The following HTR3E variants were observed in gnomAD, a reference collection of about 807,000 sequenced individuals.
HTR3E encodes the protein 5-hydroxytryptamine (serotonin) receptor 3, family member E.
Under a neutral mutation model 38.0 loss-of-function variants are expected in HTR3E, and 38 were observed. The ratio of observed to expected loss-of-function variants is 1.00; its 90% confidence interval spans 0.77 to 1.31. HTR3E has a LOEUF of 1.31. Among genes scored for constraint, HTR3E ranks in the 50% most tolerant of loss-of-function variants. The pLI, the probability that HTR3E is intolerant of heterozygous loss-of-function variation, is 0.00. For missense variants in HTR3E, 547 were observed against 585.2 expected, an observed-to-expected ratio of 0.93 and a Z score of 0.67; for synonymous variants, 210 against 232.9, an observed-to-expected ratio of 0.90 and a Z score of 0.89.
chr3:184,105,959 C>A lies in HTR3E; in HGVS notation c.915C>A (p.Thr305=). ...GTGACTTGCTCCCCACCAGTGGCAC[C>A]CCCCTCATCGGTATGGCTCCTCCCA... ...MMSDLLPTSG[T]PLIGVYFALC... The change falls in exon 7 of 9, where the codon ACC becomes ACA. Residue 305 remains threonine, a synonymous_variant. Transcript: ENST00000415389. 2 of 1,614,142 alleles carry A rather than the reference C, an allele frequency of 1.2e-6. No homozygotes were observed. Among genetic ancestry groups the A allele is most frequent in the Non-Finnish European group, 8.5e-7 (1 of 1,179,990 alleles).
At chr3:184,100,074 G>A (rs1711924528) in intron 1 of HTR3E, 1 of 1,167,116 alleles carries the variant, frequency 8.6e-7, no homozygotes, top group African/African-American at 1.6e-5. Flanking sequence ...CCGGGCCTCG[G>A]AAGGAAGAGC....
chr3:184,104,118 A>G (rs1712253389), intron 3 of HTR3E, 64 bp from the exon 4 acceptor site: 1 of 1,145,494 alleles, frequency 8.7e-7, no homozygotes, highest in Non-Finnish European at 1.2e-6. Flanking sequence ...GTATTTCATA[A>G]CTTTTTTTTT....
rs200283686 is a variant in HTR3E, at chr3:184,104,260, C to G, written c.358C>G (p.Leu120Val). The change falls in exon 4 of 9, where the codon CTG becomes GTG. Residue 120 changes from leucine (L) to valine (V), a missense_variant. Transcript: ENST00000415389. ...ITKMSMAAKN[L>V]WLPDIFIIEL... ...GAAGATGAGTATGGCAGCCAAGAACCTGTGGCTCCCAGACATTTTCATCAT... is the reference window on the plus strand; with the variant it reads ...GAAGATGAGTATGGCAGCCAAGAACGTGTGGCTCCCAGACATTTTCATCAT... 4.4e-4 allele frequency: 717 copies of G among 1,613,076 alleles called. No individual in the cohort carries two copies. The highest frequency in any genetic ancestry group is 5.6e-4 in the Non-Finnish European group (665 of 1,179,546).
rs1438845493 is a variant in HTR3E, at chr3:184,106,370, C to T, written c.1141+27C>T. The T allele has an allele frequency of 1.9e-6, 3 of 1,588,224 alleles. No individual in the cohort carries two copies. Among genetic ancestry groups the T allele is most frequent in the South Asian group, 2.3e-5 (2 of 88,532 alleles). On this transcript the variant is annotated intron_variant, in intron 8 of 8. Coordinates refer to ENST00000415389, the MANE Select transcript of HTR3E (RefSeq NM_001256613.2). The surrounding 1 kb of genome is among the most constrained non-coding windows in gnomAD (Gnocchi z 4.1). ...TGAGGGAAGTCACATTCCTCTTCCC[C>T]CACCTCCACTTCTCTGCTCCTGCCT...
chr3:184,106,697 G>C lies in HTR3E; in HGVS notation c.*4G>C. 1 of 1,613,732 alleles carries C rather than the reference G, an allele frequency of 6.2e-7. No homozygotes were observed. Among genetic ancestry groups the C allele is most frequent in the South Asian group, 1.1e-5 (1 of 91,000 alleles). Reference sequence around the variant, plus strand: ...CATATGCCTCTGGAACACCTAGGCAGGTGCTCACCTGCCAACTTCAGTCTG... The same window carrying C: ...CATATGCCTCTGGAACACCTAGGCACGTGCTCACCTGCCAACTTCAGTCTG... On this transcript the variant is annotated 3_prime_UTR_variant, in exon 9 of 9. Transcript: ENST00000415389. The surrounding 1 kb of genome is among the most constrained non-coding windows in gnomAD (Gnocchi z 4.1).
In HTR3E at chr3:184,106,132, C is replaced by T; in HGVS notation, c.930C>T (p.Val310=). Reference sequence around the variant, plus strand: ...CTAGGCCCCCCTTCCCTCCAGGTGTCTACTTCGCCCTGTGCCTGTCCCTGA... The same window carrying T: ...CTAGGCCCCCCTTCCCTCCAGGTGTTTACTTCGCCCTGTGCCTGTCCCTGA... The part of the protein sequence containing the change: ...LPTSGTPLIG[V]YFALCLSLMV... Residue 310 remains valine (V), a synonymous_variant, in exon 8 of 9, where the codon GTC becomes GTT. Transcript: ENST00000415389. The surrounding 1 kb of genome is among the most constrained non-coding windows in gnomAD (Gnocchi z 4.1). The T allele has an allele frequency of 6.2e-7, 1 of 1,613,384 alleles. No individual in the cohort carries two copies. Among genetic ancestry groups the T allele is most frequent in the Middle Eastern group, 1.8e-4 (1 of 5,494 alleles).
chr3:184,105,010 TAAAG>T, intron 5 of HTR3E, 54 bp downstream of exon 5: 1 of 1,519,288 alleles, frequency 6.6e-7, no homozygotes, highest in Admixed American at 1.9e-5. Flanking sequence ...CCAACAAATA[TAAAG>T]AAACTATGAG....
At position 184,105,782 on chromosome 3, in the gene HTR3E, G is replaced by A. The variant is rs770545579; in HGVS notation, c.738G>A (p.Arg246=). The A allele has an allele frequency of 1.9e-6, 3 of 1,614,012 alleles. No homozygotes were observed. The East Asian group carries it at 6.7e-5, about 36-fold the overall frequency. The change falls in exon 7 of 9, where the codon AGG becomes AGA. Residue 246 remains arginine (R), a synonymous_variant. Coordinates refer to ENST00000415389, the MANE Select transcript of HTR3E (RefSeq NM_001256613.2). ...QIVFYVAIRR[R]PSLYVINLLV... is the part of the protein sequence containing the mutation. Reference sequence around the variant, plus strand: ...CCCACCAGGTGGCCATCAGGCGCAGGCCCAGTCTCTATGTCATAAACCTTC... The same window carrying A: ...CCCACCAGGTGGCCATCAGGCGCAGACCCAGTCTCTATGTCATAAACCTTC...
Position 184,106,652 on chromosome 3 carries a change from G to C in HTR3E, c.1330G>C (p.Ala444Pro), listed in dbSNP as rs1248695651. 1 of 1,614,138 alleles carries C rather than the reference G, an allele frequency of 6.2e-7. No individual in the cohort carries two copies. Among genetic ancestry groups the C allele is most frequent in the Non-Finnish European group, 8.5e-7 (1 of 1,180,016 alleles). The part of the protein sequence containing the change: ...MLFRLYLLFM[A>P]SSIITVICLW... ...CTTCCGCCTCTACCTGCTCTTCATG[G>C]CCTCCTCTATCATCACCGTCATATG... The change falls in exon 9 of 9, where the codon GCC becomes CCC. Residue 444 changes from alanine to proline, a missense_variant. Coordinates refer to ENST00000415389, the MANE Select transcript of HTR3E (RefSeq NM_001256613.2). This position sits in a 1 kb window ranked among gnomAD's most constrained non-coding sequence, Gnocchi z 4.1.
In HTR3E at chr3:184,100,503, C is replaced by T. The variant is rs757265149; in HGVS notation, c.86C>T (p.Thr29Ile). 7.4e-6 allele frequency: 12 copies of T among 1,614,030 alleles called. No individual in the cohort carries two copies. In the Admixed American group the frequency reaches 1.8e-4, roughly 25 times the overall value. ...ACTACAGGAAGGGGCGTTACTTTCACCATCAATTGCTCAGGGTTTGGCCAG... is the reference window on the plus strand; with the variant it reads ...ACTACAGGAAGGGGCGTTACTTTCATCATCAATTGCTCAGGGTTTGGCCAG... ...FLLQGRGVTF[T>I]INCSGFGQHG... Residue 29 changes from threonine to isoleucine, a missense_variant, in exon 2 of 9, where the codon ACC (threonine) becomes ATC (isoleucine). Coordinates refer to ENST00000415389, the MANE Select transcript of HTR3E (RefSeq NM_001256613.2).
intron 3 of HTR3E, among the ~76,000 whole-genome samples, chr3:184,101,931 A>G (rs1408250088): frequency 6.6e-6 from 1 of 152,274 alleles, no homozygotes; most frequent in Non-Finnish European, 1.5e-5. Flanking sequence ...CAGAGGTTGC[A>G]GTGAGCCGAG....
At chr3:184,102,026 A>G (rs1226352481) in intron 3 of HTR3E, among the ~76,000 whole-genome samples, 1 of 152,180 alleles carries the variant, frequency 6.6e-6, no homozygotes, top group Admixed American at 6.6e-5. Context: ...TCTAGTAGAA[A>G]AGGAGTAAAT....
At chr3:184,105,673 A>G (rs897530119) in intron 6 of HTR3E, 92 bp from the exon 7 acceptor site, 1 of 1,177,506 alleles carries the variant, frequency 8.5e-7, no homozygotes, top group Non-Finnish European at 1.2e-6. Flanking sequence ...AGGCCAAAGA[A>G]AAAGGCAGAG....
In HTR3E at chr3:184,106,937, G is replaced by A; in HGVS notation, c.*244G>A. 1 of 530,870 alleles carries A rather than the reference G, an allele frequency of 1.9e-6. No individual in the cohort carries two copies. The highest frequency in any genetic ancestry group is 2.7e-5 in the South Asian group (1 of 37,490). 32.9% of individuals were successfully genotyped at this position (530,870 alleles called of 1,614,324 possible). A position where few individuals can be genotyped will look rare whatever the true frequency, so the allele number is the denominator to read the frequency against. On this transcript the variant is annotated 3_prime_UTR_variant, in exon 9 of 9. Transcript: ENST00000415389. The surrounding 1 kb of genome is among the most constrained non-coding windows in gnomAD (Gnocchi z 4.1). ...GTTCTAGGTCCCTCTTACGTCATCT[G>A]CATAGCAGACTATACCTCTTCTGTC... is the stretch of plus-strand genomic sequence containing the variant.
rs1317734245 is a variant in HTR3E, at chr3:184,106,111, G to GC, written c.926-11dup. 9 of 1,613,394 alleles carry GC rather than the reference G, an allele frequency of 5.6e-6. No homozygotes were observed. The highest frequency in any genetic ancestry group is 5.3e-5 in the African/African-American group (4 of 74,840). On this transcript the variant is annotated splice_polypyrimidine_tract_variant and intron_variant, in intron 7 of 8. Coordinates refer to ENST00000415389, the MANE Select transcript of HTR3E (RefSeq NM_001256613.2). This position sits in a 1 kb window ranked among gnomAD's most constrained non-coding sequence, Gnocchi z 4.1. ...AGGTGGTGCCTCTGGCCCTCACTAG[G>GC]CCCCCCTTCCCTCCAGGTGTCTACT...
rs1459257903 is a variant in HTR3E at position 184,100,146 on chromosome 3, A to G, written c.68-339A>G. 5 of 1,371,648 alleles carry G rather than the reference A, an allele frequency of 3.6e-6. No individual in the cohort carries two copies. The East Asian group carries it at 1.4e-4, about 39-fold the overall frequency. 85.0% of individuals were successfully genotyped at this position (1,371,648 alleles called of 1,614,324 possible). ...TTCTTCATCTCATCCCTGGGGACGT[A>G]TAGCACAGCAGCAGCAGACAAACCT... On this transcript the variant is annotated intron_variant, in intron 1 of 8. Transcript: ENST00000415389.
At chr3:184,101,859 G>C (rs545760319) in intron 3 of HTR3E, among the ~76,000 whole-genome samples, 1 of 152,128 alleles carries the variant, frequency 6.6e-6, no homozygotes, top group Admixed American at 6.6e-5. Flanking sequence ...GCATGGTGGC[G>C]GGCGCCTGTA....
At position 184,097,430 on chromosome 3, in the gene HTR3E, A is replaced by G. The variant is rs188722135; in HGVS notation, c.-100A>G. 7.6e-4 allele frequency: 593 copies of G among 778,944 alleles called. 1 individual carries two copies. Among genetic ancestry groups the G allele is most frequent in the Non-Finnish European group, 1.1e-3 (541 of 472,476 alleles). 48.3% of individuals were successfully genotyped at this position (778,944 alleles called of 1,614,324 possible). A position where few individuals can be genotyped will look rare whatever the true frequency, so the allele number is the denominator to read the frequency against. On this transcript the variant is annotated 5_prime_UTR_variant, in exon 1 of 9. Coordinates refer to ENST00000415389, the MANE Select transcript of HTR3E (RefSeq NM_001256613.2). ...CAAATGTCAGTGGTCAACCAATGCT[A>G]TTAGTATTCAAAGTCAGACTCTAGG...
Position 184,100,501 on chromosome 3 carries a change from C to G in HTR3E, c.84C>G (p.Phe28Leu). 6.2e-7 allele frequency: 1 copy of G among 1,614,162 alleles called. No homozygotes were observed. The highest frequency in any genetic ancestry group is 8.5e-7 in the Non-Finnish European group (1 of 1,180,044). The change falls in exon 2 of 9, where the codon TTC (phenylalanine) becomes TTG (leucine). Residue 28 changes from phenylalanine (F) to leucine (L), a missense_variant. Coordinates refer to ENST00000415389, the MANE Select transcript of HTR3E (RefSeq NM_001256613.2). ...GFLLQGRGVT[F>L]TINCSGFGQH... ...CCACTACAGGAAGGGGCGTTACTTT[C>G]ACCATCAATTGCTCAGGGTTTGGCC...
Sources: gnomAD v4.1 joint callset for allele counts (sites outside exome capture counted in the v4.1 genomes callset) on GRCh38, gnomAD v4.1.1 for gene constraint, Gnocchi (gnomAD v3.1) non-coding constraint, MANE v1.5 for transcripts, NCBI Gene and HGNC (gene_info 2026-07-23, HGNC 2026-07-21) for gene names.